DACH2: variants seen among roughly 807,000 people sequenced by gnomAD.
DACH2 encodes the protein dachshund homolog 2.
DACH2 carries 17 observed loss-of-function variants against 35.8 expected under a neutral mutation model. That is an observed-to-expected ratio of 0.48 (90% confidence interval 0.33 to 0.71). The LOEUF is 0.71. Among genes scored for constraint, DACH2 ranks in the 30% least tolerant of loss-of-function variants. The pLI is 0.02. For missense variants in DACH2, 469 were observed against 472.7 expected (o/e 0.99, Z 0.07); for synonymous variants, 195 against 177.3 (o/e 1.10, Z -0.79).
In DACH2 at chrX:86,832,327, A is replaced by G. The variant is rs2042621048; in HGVS notation, c.*172A>G. On this transcript the variant is annotated 3_prime_UTR_variant, in exon 12 of 12. Transcript: ENST00000373125. ...GAAACGCGTGTACATTTTAAAAGCA[A>G]TGATGTAAACTTTGTTCTTGCATTA... 1 of 431,776 alleles carries G rather than the reference A, an allele frequency of 2.3e-6. No individual in the cohort carries two copies. The highest frequency in any genetic ancestry group is 2.5e-5 in the African/African-American group (1 of 39,569). 35.6% of individuals were successfully genotyped at this position (431,776 alleles called of 1,213,427 possible). A position where few individuals can be genotyped will look rare whatever the true frequency, so the allele number is the denominator to read the frequency against.
At chrX:86,401,985 T>G (rs183126731) in intron 2 of DACH2, among the ~76,000 whole-genome samples, 48 of 111,832 alleles carry the variant, frequency 4.3e-4, no homozygotes, top group Non-Finnish European at 1.1e-4. Flanking sequence ...AAATCCAACA[T>G]TACTTTGTGA....
At chrX:86,555,848 CA>C (rs1405717267) in intron 3 of DACH2, among the ~76,000 whole-genome samples, 2 of 111,125 alleles carry the variant, frequency 1.8e-5, no homozygotes, top group Non-Finnish European at 3.8e-5. Context: ...AATGCAGTAC[CA>C]GGGGAAATAA....
At chrX:86,770,714 A>G (rs934386093) in intron 7 of DACH2, among the ~76,000 whole-genome samples, 3 of 112,076 alleles carry the variant, frequency 2.7e-5, no homozygotes, top group African/African-American at 9.7e-5. Context: ...CAAATAATTA[A>G]TTCAACATTA....
chrX:86,406,046 G>A (rs1037362488), intron 2 of DACH2, among the ~76,000 whole-genome samples: 4 of 111,560 alleles, frequency 3.6e-5, no homozygotes, highest in Non-Finnish European at 7.5e-5. Context: ...CTCCCACTGG[G>A]CCCCTCCCAT....
chrX:86,700,243 T>G (rs1269189457), intron 5 of DACH2, among the ~76,000 whole-genome samples: 1 of 111,320 alleles, frequency 9.0e-6, no homozygotes, highest in Non-Finnish European at 1.9e-5. Flanking sequence ...TTGTCTTTGG[T>G]TGGAGAGTTC....
intron 2 of DACH2, among the ~76,000 whole-genome samples, chrX:86,396,791 GC>G (rs2036303868): frequency 9.0e-6 from 1 of 111,001 alleles, no homozygotes; most frequent in African/African-American, 3.3e-5. Flanking sequence ...GGTTACTGTA[GC>G]CTTGTAGTAT....
intron 2 of DACH2, among the ~76,000 whole-genome samples, chrX:86,438,019 TCTC>T (rs1428150580): frequency 1.8e-5 from 2 of 109,102 alleles, no homozygotes; most frequent in Admixed American, 9.9e-5. Flanking sequence ...TTTCTGAGTA[TCTC>T]CTCCTCCTCC....
Position 86,534,967 on chromosome X carries a change from CAA to C in DACH2, c.640+20578_640+20579del, listed in dbSNP as rs781350571. Among the ~76,000 whole-genome samples, 423 of 111,516 alleles carry C rather than the reference CAA, an allele frequency of 3.8e-3. 4 individuals carry two copies. The highest frequency in any genetic ancestry group is 0.013 in the African/African-American group (410 of 30,761). On this transcript the variant is annotated intron_variant, in intron 3 of 11. Transcript: ENST00000373125. ...CATTGATCATCAACTAAATTTGAAA[CAA>C]AGTTATCTAGTTATCTGCTCACAAT... is the stretch of plus-strand genomic sequence containing the variant.
At chrX:86,623,113 A>G (rs1246572583) in intron 3 of DACH2, among the ~76,000 whole-genome samples, 1 of 112,227 alleles carries the variant, frequency 8.9e-6, no homozygotes, top group Non-Finnish European at 1.9e-5. Context: ...GCTGAGTAAG[A>G]CATAGTCAAT....
At chrX:86,724,547 A>T (rs1412019005) in intron 6 of DACH2, among the ~76,000 whole-genome samples, 1 of 111,866 alleles carries the variant, frequency 8.9e-6, no homozygotes, top group Admixed American at 9.5e-5. Flanking sequence ...GTAACATTTC[A>T]GCTGAGAATT....
At chrX:86,161,074 A>G in intron 1 of DACH2, 1 of 1,070,938 alleles carries the variant, frequency 9.3e-7, no homozygotes, top group South Asian at 1.9e-5. Context: ...TTCCAACCAG[A>G]AATTGGCACA....
At chrX:86,284,877 A>G (rs1457711344) in intron 1 of DACH2, among the ~76,000 whole-genome samples, 1 of 110,415 alleles carries the variant, frequency 9.1e-6, no homozygotes, top group East Asian at 2.8e-4. Context: ...GGTGGGTTAT[A>G]TGTGTTTAGG....
intron 2 of DACH2, among the ~76,000 whole-genome samples, chrX:86,380,446 G>A (rs1439962232): frequency 1.8e-5 from 2 of 110,388 alleles, no homozygotes; most frequent in Non-Finnish European, 3.8e-5. Flanking sequence ...ATTGAAAAAT[G>A]ACATTTCTAT....
chrX:86,397,710 T>C (rs1350320082), intron 2 of DACH2, among the ~76,000 whole-genome samples: 1 of 112,144 alleles, frequency 8.9e-6, no homozygotes, highest in African/African-American at 3.2e-5. Flanking sequence ...TTTTCCTATG[T>C]TGAACCAGCC....
chrX:86,269,963 A>G (rs2033782636), intron 1 of DACH2, among the ~76,000 whole-genome samples: 1 of 104,611 alleles, frequency 9.6e-6, no homozygotes, highest in African/African-American at 3.5e-5. Context: ...TTCTTCACCC[A>G]CTCCTCAAAG....
chrX:86,598,481 A>C (rs2039740891), intron 3 of DACH2, among the ~76,000 whole-genome samples: 1 of 111,428 alleles, frequency 9.0e-6, no homozygotes, highest in Admixed American at 9.5e-5. Flanking sequence ...GTGCATTGGA[A>C]CATAAATGCT....
At chrX:86,529,918 G>A (rs1273418825) in intron 3 of DACH2, among the ~76,000 whole-genome samples, 11 of 104,905 alleles carry the variant, frequency 1.0e-4, no homozygotes, top group African/African-American at 3.9e-4. Flanking sequence ...TCATTTTTCT[G>A]TATGGTCAAA....
At chrX:86,714,859 GT>G (rs2041318417) in intron 6 of DACH2, 139 bp downstream of exon 6, 2 of 492,547 alleles carry the variant, frequency 4.1e-6, no homozygotes, top group African/African-American at 4.9e-5. Context: ...GATGGGTTTA[GT>G]TTGTGACTAG....
At chrX:86,793,848 G>C (rs769771716) in intron 7 of DACH2, among the ~76,000 whole-genome samples, 3 of 111,695 alleles carry the variant, frequency 2.7e-5, no homozygotes, top group East Asian at 5.6e-4. Context: ...TGTATTTCCT[G>C]GTTTCATTTT....
Sources: gnomAD v4.1 joint callset for allele counts (sites outside exome capture counted in the v4.1 genomes callset) on GRCh38, gnomAD v4.1.1 for gene constraint, MANE v1.5 for transcripts, NCBI Gene and HGNC (gene_info 2026-07-23, HGNC 2026-07-21) for gene names.